The following ATAD3A variants were observed in gnomAD, a reference collection of about 807,000 sequenced individuals.
ATAD3A encodes the protein ATPase family AAA domain containing 3A.
Under a neutral mutation model 73.8 loss-of-function variants are expected in ATAD3A, and 46 were observed. The observed-to-expected ratio is 0.62, with a 90% CI of 0.49 to 0.80. The LOEUF (loss-of-function observed/expected upper bound fraction) is 0.80. Among genes scored for constraint, ATAD3A ranks in the 30% least tolerant of loss-of-function variants. ATAD3A has a pLI of 0.00. For synonymous variants in ATAD3A, 319 were observed against 350.0 expected (o/e 0.91, Z 0.99); for missense variants, 705 against 838.0 (o/e 0.84, Z 1.96).
chr1:1,518,473 A>G (rs1222885184), intron 4 of ATAD3A, among the ~76,000 whole-genome samples: 2 of 97,580 alleles, frequency 2.0e-5, no homozygotes, highest in African/African-American at 8.0e-5. Context: ...ACACATGGGC[A>G]CAGCCCCCCC....
intron 2 of ATAD3A, 66 bp downstream of exon 2, chr1:1,516,154 G>A: frequency 6.2e-7 from 1 of 1,606,296 alleles, no homozygotes. Context: ...GAGATTGGTA[G>A]GGCTACTGCC....
intron 12 of ATAD3A, 57 bp from the exon 13 acceptor site, chr1:1,526,404 G>A: frequency 1.9e-6 from 3 of 1,556,836 alleles, no homozygotes; most frequent in Middle Eastern, 2.0e-4. Flanking sequence ...ACTTTCTGCT[G>A]TGGCTGTTTA....
chr1:1,533,819 C>T (rs569841595), intron 15 of ATAD3A, 107 bp from the exon 16 acceptor site: 18,785 of 1,403,888 alleles, frequency 0.013, 178 homozygotes, highest in Non-Finnish European at 0.016. Context: ...ACGCTCAGGC[C>T]ATCCTGGAGC....
chr1:1,524,963 G>A (rs913173230), intron 11 of ATAD3A, among the ~76,000 whole-genome samples: 9 of 152,220 alleles, frequency 5.9e-5, no homozygotes, highest in African/African-American at 2.2e-4. Context: ...GGCCACCAGT[G>A]CTGCACTGGG....
Position 1,534,303 on chromosome 1 carries a change from ACT to A in ATAD3A, c.*234_*235del, listed in dbSNP as rs1642151299. 4 of 1,418,464 alleles carry A rather than the reference ACT, an allele frequency of 2.8e-6. No homozygotes were observed. Among genetic ancestry groups the A allele is most frequent in the South Asian group, 3.2e-5 (2 of 61,848 alleles). 87.9% of individuals were successfully genotyped at this position (1,418,464 alleles called of 1,614,324 possible). A position where few individuals can be genotyped will look rare whatever the true frequency, so the allele number is the denominator to read the frequency against. On this transcript the variant is annotated 3_prime_UTR_variant, in exon 16 of 16. Transcript: ENST00000378756. ...AGGCCTCCTTCCTGCCCCTCGAGAC[ACT>A]CTTGGGAGATGCATTTTCCGTCTGG...
chr1:1,532,514 T>G (rs1642064469), intron 15 of ATAD3A, among the ~76,000 whole-genome samples: 1 of 152,222 alleles, frequency 6.6e-6, no homozygotes, highest in South Asian at 2.1e-4. Flanking sequence ...GTGAACATCA[T>G]GTGTCACTGT....
intron 12 of ATAD3A, 104 bp downstream of exon 12, chr1:1,525,395 G>A (rs1641772321): frequency 6.9e-6 from 9 of 1,307,252 alleles, no homozygotes; most frequent in South Asian, 2.6e-5. Context: ...TTCTCTGTAA[G>A]CTTTGTGTGA....
chr1:1,534,628 C>T lies in ATAD3A; in HGVS notation c.*556C>T, dbSNP rs1642167302. On this transcript the variant is annotated 3_prime_UTR_variant, in exon 16 of 16. Transcript: ENST00000378756. ...GAGGCCGCACTGTCAGCTGGCCGGTCCAAGCCTGTGGCTGGAGCTGGGGTC... is the reference window on the plus strand; with the variant it reads ...GAGGCCGCACTGTCAGCTGGCCGGTTCAAGCCTGTGGCTGGAGCTGGGGTC... The T allele has an allele frequency of 5.7e-6, 1 of 176,754 alleles. No homozygotes were observed. The highest frequency in any genetic ancestry group is 1.6e-4 in the South Asian group (1 of 6,152). 10.9% of individuals were successfully genotyped at this position (176,754 alleles called of 1,614,324 possible).
chr1:1,534,224 G>C lies in ATAD3A; in HGVS notation c.*152G>C. On this transcript the variant is annotated 3_prime_UTR_variant, in exon 16 of 16. Transcript: ENST00000378756. ...CCCAGGATGTCTTGTGGTGCGGGTC[G>C]GCCGTTCTGCCCCCCAGGGCACCCC... is the stretch of plus-strand genomic sequence containing the variant. 2 of 1,502,282 alleles carry C rather than the reference G, an allele frequency of 1.3e-6. No homozygotes were observed. Among genetic ancestry groups the C allele is most frequent in the Non-Finnish European group, 8.9e-7 (1 of 1,127,806 alleles). 93.1% of individuals were successfully genotyped at this position (1,502,282 alleles called of 1,614,324 possible).
chr1:1,522,587 G>A (rs1431575317), intron 7 of ATAD3A, among the ~76,000 whole-genome samples, 157 bp from the exon 8 acceptor site: 1 of 152,240 alleles, frequency 6.6e-6, no homozygotes, highest in Non-Finnish European at 1.5e-5. Context: ...CGTGGCTGTG[G>A]GATTCGGGGC....
chr1:1,534,128 G>A lies in ATAD3A; in HGVS notation c.*56G>A. On this transcript the variant is annotated 3_prime_UTR_variant, in exon 16 of 16. Transcript: ENST00000378756. ...CTGGCCGCGGACCCCTCCCACCCCT[G>A]CCTTGCCGGCCCCTGCACATTTAGG... is the stretch of plus-strand genomic sequence containing the variant. The A allele has an allele frequency of 6.2e-7, 1 of 1,612,252 alleles. No homozygotes were observed. Among genetic ancestry groups the A allele is most frequent in the Non-Finnish European group, 8.5e-7 (1 of 1,179,374 alleles).
In ATAD3A at chr1:1,523,593, G is replaced by C; in HGVS notation, c.963+26G>C. ...GTAAGTCGGTGTGCCTGGGACCGGG[G>C]AGGCGCAGGGAGGGGACCCTGGAGC... On this transcript the variant is annotated intron_variant, in intron 9 of 15. Transcript: ENST00000378756. This position sits in a 1 kb window ranked among gnomAD's most constrained non-coding sequence, Gnocchi z 5.1. 1 of 1,612,394 alleles carries C rather than the reference G, an allele frequency of 6.2e-7. No homozygotes were observed.
intron 1 of ATAD3A, among the ~76,000 whole-genome samples, chr1:1,513,822 C>T (rs534323573): frequency 1.3e-5 from 2 of 152,114 alleles, no homozygotes; most frequent in African/African-American, 2.4e-5. Context: ...GAGATTCGGC[C>T]GGAGCCCATT....
chr1:1,527,959 T>TG, intron 14 of ATAD3A, 97 bp downstream of exon 14: 1 of 186,754 alleles, frequency 5.4e-6, no homozygotes, highest in Non-Finnish European at 9.9e-6. Context: ...TTAACATTCC[T>TG]TTTTTTTTTT....
Position 1,518,991 on chromosome 1 carries a change from G to A in ATAD3A, c.514+1G>A. On this transcript the variant is annotated splice_donor_variant, in intron 5 of 15. Coordinates refer to ENST00000378756, the MANE Select transcript of ATAD3A (RefSeq NM_001170535.3). LOFTEE classifies it high-confidence loss of function. Reference sequence around the variant, plus strand: ...CAGAAGCAGGAAGCCATGCGGCGAGGTAGGCTGTCTGCTCTCCTGGCTGGG... The same window carrying A: ...CAGAAGCAGGAAGCCATGCGGCGAGATAGGCTGTCTGCTCTCCTGGCTGGG... 1 of 1,614,160 alleles carries A rather than the reference G, an allele frequency of 6.2e-7. No homozygotes were observed. The highest frequency in any genetic ancestry group is 8.5e-7 in the Non-Finnish European group (1 of 1,179,988).
At chr1:1,527,593 C>T (rs943908190) in intron 13 of ATAD3A, 102 bp from the exon 14 acceptor site, 225 of 1,424,978 alleles carry the variant, frequency 1.6e-4, no homozygotes, top group Non-Finnish European at 2.0e-4. Context: ...TCGTGTTTCC[C>T]GCCACTTTAG....
chr1:1,519,019 G>A (rs772271413), intron 5 of ATAD3A, 29 bp downstream of exon 5: 44 of 1,613,840 alleles, frequency 2.7e-5, no homozygotes, highest in Middle Eastern at 1.6e-4. Context: ...TGGCTGGGGC[G>A]GAGGTGGCGG....
At chr1:1,515,474 C>A (rs1376412155) in intron 1 of ATAD3A, among the ~76,000 whole-genome samples, 1 of 152,196 alleles carries the variant, frequency 6.6e-6, no homozygotes, top group African/African-American at 2.4e-5. Context: ...AGAATACGTA[C>A]TTCTGTCCCA....
intron 5 of ATAD3A, 54 bp downstream of exon 5, chr1:1,519,044 C>G (rs147532057): frequency 6.4e-7 from 1 of 1,572,632 alleles, no homozygotes; most frequent in African/African-American, 1.3e-5. Flanking sequence ...TGCTTGTGGA[C>G]CCGGCGTGCA....
Sources: allele counts gnomAD v4.1 joint callset (sites outside exome capture counted in the v4.1 genomes callset), GRCh38; gene constraint gnomAD v4.1.1; non-coding constraint Gnocchi (gnomAD v3.1); transcripts MANE v1.5; gene names NCBI Gene and HGNC (gene_info 2026-07-23, HGNC 2026-07-21).